The following FGF13 variants were observed in gnomAD, a reference collection of about 807,000 sequenced individuals.
FGF13 encodes the protein fibroblast growth factor 13, also known as fibroblast growth factor homologous factor 2.
Under a neutral mutation model 19.5 loss-of-function variants are expected in FGF13, and 2 were observed. The observed-to-expected ratio is 0.10, with a 90% CI of 0.04 to 0.32. The LOEUF is 0.32. FGF13 is among the 10% of genes least tolerant of loss of function. The probability of loss-of-function intolerance (pLI) is 1.00; values close to 1 mark genes in which losing one functional copy is unlikely to be tolerated. For missense variants in FGF13, 113 were observed against 192.7 expected, an observed-to-expected ratio of 0.59 and a Z score of 2.45; for synonymous variants, 72 against 76.9, an observed-to-expected ratio of 0.94 and a Z score of 0.33.
intron 1 of FGF13, among the ~76,000 whole-genome samples, chrX:139,005,844 T>C (rs1170000200): frequency 9.5e-6 from 1 of 105,299 alleles, no homozygotes; most frequent in Non-Finnish European, 1.9e-5. Context: ...ACAAAATTAG[T>C]GAACTTGAAG....
chrX:138,788,855 A>G (rs1236003987), intron 3 of FGF13, among the ~76,000 whole-genome samples: 2 of 111,857 alleles, frequency 1.8e-5, no homozygotes, highest in African/African-American at 6.5e-5. Flanking sequence ...CTTTTTGCAT[A>G]ATTCCATCTT....
At chrX:139,076,287 T>C (rs2083332314) in intron 1 of FGF13, among the ~76,000 whole-genome samples, 1 of 112,109 alleles carries the variant, frequency 8.9e-6, no homozygotes, top group Admixed American at 9.5e-5. Context: ...AAATGGGAAT[T>C]TGTGATTTGA....
intron 3 of FGF13, among the ~76,000 whole-genome samples, chrX:138,786,404 C>T (rs2090692660): frequency 8.9e-6 from 1 of 111,860 alleles, no homozygotes; most frequent in African/African-American, 3.2e-5. Flanking sequence ...AGCTGCTTTA[C>T]TGGCAGGAAA....
intron 3 of FGF13, among the ~76,000 whole-genome samples, chrX:138,679,953 T>G (rs1391326996): frequency 3.6e-5 from 4 of 112,534 alleles, no homozygotes; most frequent in African/African-American, 1.3e-4. Context: ...ACCCTGTATA[T>G]GATTTATCAA....
chrX:138,777,941 A>C (rs1334617986), intron 3 of FGF13, among the ~76,000 whole-genome samples: 1 of 112,006 alleles, frequency 8.9e-6, no homozygotes, highest in Non-Finnish European at 1.9e-5. Context: ...GTTCATAATA[A>C]CATTGAGATG....
chrX:139,049,992 C>T (rs1055278784), intron 1 of FGF13, among the ~76,000 whole-genome samples: 3 of 111,943 alleles, frequency 2.7e-5, no homozygotes, highest in African/African-American at 9.7e-5. Flanking sequence ...CCACATTTTA[C>T]TTTTCTAGAA....
intron 1 of FGF13, among the ~76,000 whole-genome samples, chrX:139,079,252 A>G (rs1368469868): frequency 9.0e-6 from 1 of 111,342 alleles, no homozygotes; most frequent in Non-Finnish European, 1.9e-5. Context: ...TAAGAAGGCA[A>G]TTTGTCACGC....
intron 3 of FGF13, among the ~76,000 whole-genome samples, chrX:138,678,204 C>G (rs1317977124): frequency 1.8e-5 from 2 of 110,115 alleles, no homozygotes; most frequent in African/African-American, 6.6e-5. Flanking sequence ...CCATCACACT[C>G]TGGGGACTGT....
rs1321423552 is a variant in FGF13, at chrX:139,141,075, A to AGAT, written c.-113+62338_-113+62340dup. Among the ~76,000 whole-genome samples the AGAT allele has an allele frequency of 4.3e-4, 44 of 102,794 alleles. 1 individual carries two copies. The highest frequency in any genetic ancestry group is 9.3e-4 in the East Asian group (3 of 3,211). 89.3% of individuals were successfully genotyped at this position (102,794 alleles called of 115,157 possible). ...TAGATAGATAGATAGATAGATAGAT[A>AGAT]GATAGATAGATAGATAGATAAGAGT... On this transcript the variant is annotated intron_variant, in intron 1 of 2. Transcript: ENST00000421460.
At chrX:138,997,295 T>C (rs1446354332) in intron 1 of FGF13, among the ~76,000 whole-genome samples, 1 of 111,620 alleles carries the variant, frequency 9.0e-6, no homozygotes, top group Non-Finnish European at 1.9e-5. Context: ...ATCACAACCC[T>C]TCGCCAGCAA....
chrX:138,694,804 T>C (rs1336630899), intron 3 of FGF13, among the ~76,000 whole-genome samples: 1 of 110,001 alleles, frequency 9.1e-6, no homozygotes, highest in Non-Finnish European at 1.9e-5. Flanking sequence ...TCAGTTTAGC[T>C]ATCAGTAAAC....
chrX:138,717,777 CT>C (rs1262307137), intron 1 of FGF13, among the ~76,000 whole-genome samples: 1 of 111,413 alleles, frequency 9.0e-6, no homozygotes, highest in Non-Finnish European at 1.9e-5. Flanking sequence ...CCACATTTAA[CT>C]ATTTTTTTTT....
intron 1 of FGF13, among the ~76,000 whole-genome samples, chrX:138,874,612 G>C (rs866980218): frequency 8.9e-6 from 1 of 111,787 alleles, no homozygotes; most frequent in African/African-American, 3.2e-5. Flanking sequence ...TTGGGCAAGA[G>C]AGCAGGATGG....
chrX:138,964,941 G>A (rs867180933), intron 1 of FGF13, among the ~76,000 whole-genome samples: 1 of 111,723 alleles, frequency 9.0e-6, no homozygotes, highest in Non-Finnish European at 1.9e-5. Flanking sequence ...AGATTTGGAG[G>A]GAACAAACAT....
intron 1 of FGF13, among the ~76,000 whole-genome samples, chrX:138,738,277 T>C (rs1197899676): frequency 8.9e-6 from 1 of 112,287 alleles, no homozygotes; most frequent in Non-Finnish European, 1.9e-5. Flanking sequence ...GACAAAATGT[T>C]CTAGCAAAAT....
At chrX:138,723,245 T>C (rs1047464487) in intron 1 of FGF13, among the ~76,000 whole-genome samples, 4 of 111,986 alleles carry the variant, frequency 3.6e-5, no homozygotes, top group Non-Finnish European at 1.9e-5. Flanking sequence ...CAATTAACTT[T>C]CCAGTAGTAG....
intron 3 of FGF13, among the ~76,000 whole-genome samples, chrX:138,775,106 T>G (rs1429671429): frequency 8.9e-6 from 1 of 112,115 alleles, no homozygotes; most frequent in African/African-American, 3.2e-5. Flanking sequence ...ATTTCAGGCA[T>G]GCGCCATCAC....
At chrX:138,793,054 A>G (rs983826610) in intron 3 of FGF13, among the ~76,000 whole-genome samples, 1 of 111,731 alleles carries the variant, frequency 9.0e-6, no homozygotes, top group African/African-American at 3.3e-5. Flanking sequence ...GAGAAGACAC[A>G]TAAGAAGAGG....
intron 1 of FGF13, among the ~76,000 whole-genome samples, chrX:139,078,322 C>T (rs763256336): frequency 1.8e-5 from 2 of 110,592 alleles, no homozygotes; most frequent in African/African-American, 6.6e-5. Context: ...TTGCCCTAAA[C>T]AATCTGTCAC....
Sources: allele counts gnomAD v4.1 joint callset (sites outside exome capture counted in the v4.1 genomes callset), GRCh38; gene constraint gnomAD v4.1.1; transcripts MANE v1.5; gene names NCBI Gene and HGNC (gene_info 2026-07-23, HGNC 2026-07-21).